The following RPA1 variants were observed in gnomAD, a reference collection of about 807,000 sequenced individuals.
RPA1 encodes the protein replication protein A1.
In RPA1, 49 loss-of-function variants were observed where a neutral mutation model predicts 83.0. That is an observed-to-expected ratio of 0.59 (90% confidence interval 0.47 to 0.75). The LOEUF (loss-of-function observed/expected upper bound fraction) is 0.75, where lower values mean the gene tolerates loss of function less well. Among genes scored for constraint, RPA1 ranks in the 30% least tolerant of loss-of-function variants. The pLI, the probability that RPA1 is intolerant of heterozygous loss-of-function variation, is 0.00. For missense variants in RPA1, 693 were observed against 776.1 expected, an observed-to-expected ratio of 0.89 and a Z score of 1.27; for synonymous variants, 279 against 281.8, an observed-to-expected ratio of 0.99 and a Z score of 0.10.
intron 4 of RPA1, among the ~76,000 whole-genome samples, chr17:1,851,579 ATATTT>A (rs1410162464): frequency 1.3e-5 from 2 of 152,012 alleles, no homozygotes; most frequent in Admixed American, 6.6e-5. Flanking sequence ...CATCTTGCTG[ATATTT>A]TATTTAGGAT....
At chr17:1,840,135 G>A (rs1597418936) in intron 1 of RPA1, among the ~76,000 whole-genome samples, 1 of 151,660 alleles carries the variant, frequency 6.6e-6, no homozygotes, top group East Asian at 1.9e-4. Context: ...GAAAACAGAC[G>A]TTTGTTTGTT....
chr17:1,890,947 A>G (rs1914181314), intron 14 of RPA1, among the ~76,000 whole-genome samples: 1 of 152,210 alleles, frequency 6.6e-6, no homozygotes, highest in African/African-American at 2.4e-5. Context: ...AGCGTGGGTT[A>G]AAGGAAGTGT....
intron 13 of RPA1, among the ~76,000 whole-genome samples, chr17:1,887,849 A>G (rs528416725): frequency 1.5e-4 from 22 of 151,628 alleles, no homozygotes; most frequent in African/African-American, 5.1e-4. Context: ...AGATTACACC[A>G]CTCACTGCAC....
intron 1 of RPA1, 51 bp downstream of exon 1, chr17:1,830,177 G>C (rs1025415782): frequency 1.1e-5 from 14 of 1,218,936 alleles, no homozygotes; most frequent in Non-Finnish European, 1.4e-5. Flanking sequence ...CTGCGGCCCC[G>C]AGCCTCGCGG....
intron 1 of RPA1, among the ~76,000 whole-genome samples, chr17:1,840,715 G>A (rs1912014992): frequency 6.6e-6 from 1 of 152,172 alleles, no homozygotes; most frequent in Non-Finnish European, 1.5e-5. Context: ...AGCCTTGTTG[G>A]TAGTTTTCGG....
intron 16 of RPA1, 45 bp downstream of exon 16, chr17:1,895,140 GT>G: frequency 2.0e-6 from 3 of 1,474,360 alleles, no homozygotes; most frequent in Non-Finnish European, 2.8e-6. Flanking sequence ...GGGAGGTGCT[GT>G]TTGTCACCTA....
At chr17:1,849,483 G>A (rs948537028) in intron 4 of RPA1, among the ~76,000 whole-genome samples, 2 of 151,688 alleles carry the variant, frequency 1.3e-5, no homozygotes, top group South Asian at 2.1e-4. Context: ...TAGTATAGAC[G>A]GGGTTTCACT....
chr17:1,893,586 G>A (rs925977558), intron 15 of RPA1, among the ~76,000 whole-genome samples: 3 of 151,968 alleles, frequency 2.0e-5, no homozygotes, highest in Non-Finnish European at 4.4e-5. Context: ...TTTGTCAAAG[G>A]TCTCAATCAA....
intron 13 of RPA1, among the ~76,000 whole-genome samples, chr17:1,885,367 A>G (rs1913952875): frequency 6.6e-6 from 1 of 151,934 alleles, no homozygotes; most frequent in African/African-American, 2.4e-5. Context: ...TCCCTCCTCC[A>G]CCAAAGTCTT....
chr17:1,873,702 C>T (rs989963881), intron 6 of RPA1, among the ~76,000 whole-genome samples: 4 of 152,028 alleles, frequency 2.6e-5, no homozygotes, highest in African/African-American at 9.7e-5. Flanking sequence ...AAATTACATG[C>T]TGTTGGCCAG....
intron 4 of RPA1, among the ~76,000 whole-genome samples, chr17:1,846,589 G>GGATT (rs1248974863): frequency 1.3e-5 from 2 of 152,090 alleles, no homozygotes; most frequent in African/African-American, 4.8e-5. Flanking sequence ...CAAAGTGCTG[G>GGATT]GATTACAGGC....
chr17:1,844,429 TAC>T, intron 3 of RPA1, 147 bp from the exon 4 acceptor site: 2 of 594,412 alleles, frequency 3.4e-6, no homozygotes, highest in Non-Finnish European at 6.0e-6. Flanking sequence ...GGCAGCAAAA[TAC>T]ACAGTTTTTC....
chr17:1,869,640 T>C (rs942748935), intron 5 of RPA1, among the ~76,000 whole-genome samples: 3 of 152,208 alleles, frequency 2.0e-5, no homozygotes, highest in Admixed American at 6.5e-5. Flanking sequence ...TGACCTGTCT[T>C]ATTAGAATGG....
intron 13 of RPA1, 41 bp from the exon 14 acceptor site, chr17:1,888,634 G>A (rs773548902): frequency 8.3e-6 from 13 of 1,574,618 alleles, no homozygotes; most frequent in Non-Finnish European, 1.0e-5. Flanking sequence ...TCCTGGGCGG[G>A]CTCGCGACTC....
intron 5 of RPA1, among the ~76,000 whole-genome samples, chr17:1,857,667 T>G (rs1597434800): frequency 2.6e-5 from 3 of 116,106 alleles, no homozygotes; most frequent in African/African-American, 6.9e-5. Context: ...ACCCGGCCCG[T>G]CCCCAGGGCA....
chr17:1,896,985 GCT>G, intron 16 of RPA1, 84 bp from the exon 17 acceptor site: 1 of 1,100,384 alleles, frequency 9.1e-7, no homozygotes, highest in Non-Finnish European at 1.4e-6. Context: ...CTCCCGCTGG[GCT>G]CACTGAAACC....
intron 1 of RPA1, among the ~76,000 whole-genome samples, chr17:1,831,898 C>CTTTTTT (rs138268342): frequency 7.9e-5 from 3 of 37,816 alleles, no homozygotes; most frequent in African/African-American, 9.2e-5. Flanking sequence ...TGTGCCCGGC[C>CTTTTTT]TTTTTTTTTT....
intron 5 of RPA1, among the ~76,000 whole-genome samples, chr17:1,862,194 A>ATTTTTTT (rs57509401): frequency 3.2e-5 from 3 of 93,178 alleles, no homozygotes; most frequent in African/African-American, 1.6e-4. Context: ...CCCCAACCGT[A>ATTTTTTT]TTTTTTTTTT....
At chr17:1,849,322 T>C (rs1283596539) in intron 4 of RPA1, among the ~76,000 whole-genome samples, 1 of 138,582 alleles carries the variant, frequency 7.2e-6, no homozygotes. Flanking sequence ...AGACGGAGTC[T>C]CGCTCTGTCT....
Sources: allele counts gnomAD v4.1 joint callset (sites outside exome capture counted in the v4.1 genomes callset), GRCh38; gene constraint gnomAD v4.1.1; transcripts MANE v1.5; gene names NCBI Gene and HGNC (gene_info 2026-07-23, HGNC 2026-07-21).